SLC30A6: variants seen among roughly 807,000 people sequenced by gnomAD.
The protein encoded by SLC30A6 is solute carrier family 30 member 6.
In SLC30A6, 55 loss-of-function variants were observed where a neutral mutation model predicts 63.0. That is an observed-to-expected ratio of 0.87 (90% CI 0.70 to 1.09). The LOEUF is 1.09. Among genes scored for constraint, SLC30A6 ranks in the 50% least tolerant of loss-of-function variants. The pLI is 0.00. For missense variants in SLC30A6, 587 were observed against 549.2 expected (o/e 1.07, Z -0.69); for synonymous variants, 224 against 186.1 (o/e 1.20, Z -1.66).
intron 11 of SLC30A6, 134 bp from the exon 12 acceptor site, chr2:32,206,747 CTCTCT>C: frequency 1.7e-6 from 1 of 601,524 alleles, no homozygotes; most frequent in South Asian, 2.3e-5. Context: ...CAGTTGAAAC[CTCTCT>C]TCTCTAAATC....
Position 32,224,348 on chromosome 2 carries a change from A to G in SLC30A6, c.*3635A>G, listed in dbSNP as rs1686304865. 1 of 657,882 alleles carries G rather than the reference A, an allele frequency of 1.5e-6. No individual in the cohort carries two copies. Among genetic ancestry groups the G allele is most frequent in the Admixed American group, 3.1e-5 (1 of 32,016 alleles). The allele number at this position is 657,882 out of a possible 1,614,324, so 40.8% of individuals were successfully genotyped here. A position where few individuals can be genotyped will look rare whatever the true frequency, so the allele number is the denominator to read the frequency against. On this transcript the variant is annotated 3_prime_UTR_variant, in exon 14 of 14. Transcript: ENST00000282587. Reference sequence around the variant, plus strand: ...GACACAAAACTGTTGCATGTTTTTAATCATCAAATTAAACTTCTTTCCACG... The same window carrying G: ...GACACAAAACTGTTGCATGTTTTTAGTCATCAAATTAAACTTCTTTCCACG...
At chr2:32,201,159 G>A (rs1319764835) in intron 10 of SLC30A6, among the ~76,000 whole-genome samples, 1 of 152,132 alleles carries the variant, frequency 6.6e-6, no homozygotes, top group Non-Finnish European at 1.5e-5. Flanking sequence ...GCTTCATTAT[G>A]TTTTTCACAT....
intron 12 of SLC30A6, among the ~76,000 whole-genome samples, chr2:32,207,958 A>G (rs1184954742): frequency 1.3e-5 from 2 of 151,472 alleles, no homozygotes; most frequent in African/African-American, 4.9e-5. Context: ...TCGACCTCCC[A>G]AAGTGCTGGG....
chr2:32,184,537 G>A (rs1184164658), intron 5 of SLC30A6, among the ~76,000 whole-genome samples, 199 bp downstream of exon 5: 2 of 152,212 alleles, frequency 1.3e-5, no homozygotes, highest in East Asian at 1.9e-4. Flanking sequence ...GGCTGAGGCA[G>A]GCAGAGCACC....
Position 32,174,153 on chromosome 2 carries a change from T to C in SLC30A6, c.175+6T>C, listed in dbSNP as rs1431219660. On this transcript the variant is annotated splice_donor_region_variant and intron_variant, in intron 3 of 13. Transcript: ENST00000282587. Reference sequence around the variant, plus strand: ...CAGTTCTACTAATAGTATAGGTATGTCACCTTTGTATTTTTATGGAGTTGT... The same window carrying C: ...CAGTTCTACTAATAGTATAGGTATGCCACCTTTGTATTTTTATGGAGTTGT... The C allele has an allele frequency of 6.2e-7, 1 of 1,602,166 alleles. No homozygotes were observed. The highest frequency in any genetic ancestry group is 2.2e-5 in the East Asian group (1 of 44,738).
Position 32,197,581 on chromosome 2 carries a change from A to G in SLC30A6, c.546-126A>G, listed in dbSNP as rs1330460246. ...TATAAATGAAAGGGCTTTGTTCACA[A>G]ATCCTCTTTGCTTTCTTTAAGAAGT... On this transcript the variant is annotated intron_variant, in intron 9 of 13. Coordinates refer to ENST00000282587, the MANE Select transcript of SLC30A6 (RefSeq NM_017964.5). 3.5e-6 allele frequency: 5 copies of G among 1,422,516 alleles called. No individual in the cohort carries two copies. The East Asian group carries it at 1.1e-4, about 32-fold the overall frequency. 88.1% of individuals were successfully genotyped at this position (1,422,516 alleles called of 1,614,324 possible).
chr2:32,191,925 G>A (rs1040473179), intron 5 of SLC30A6, among the ~76,000 whole-genome samples: 1 of 152,038 alleles, frequency 6.6e-6, no homozygotes, highest in Admixed American at 6.6e-5. Context: ...TTTAGATGAG[G>A]TAATATGTTA....
chr2:32,220,085 A>T, intron 13 of SLC30A6, 128 bp from the exon 14 acceptor site: 5 of 1,024,728 alleles, frequency 4.9e-6, no homozygotes, highest in African/African-American at 1.6e-5. Context: ...AGAAATATTA[A>T]CATTAAGCTT....
At chr2:32,174,261 T>C (rs1417375853) in intron 3 of SLC30A6, 114 bp downstream of exon 3, 1 of 652,848 alleles carries the variant, frequency 1.5e-6, no homozygotes, top group South Asian at 3.2e-5. Flanking sequence ...ATAACTCAAA[T>C]GATTTAAATA....
intron 5 of SLC30A6, among the ~76,000 whole-genome samples, chr2:32,190,728 A>C (rs1372237769): frequency 6.6e-6 from 1 of 152,096 alleles, no homozygotes; most frequent in Non-Finnish European, 1.5e-5. Flanking sequence ...AGGTTCAAGC[A>C]ATTCTCGTGC....
chr2:32,190,547 G>A (rs866698759), intron 5 of SLC30A6, among the ~76,000 whole-genome samples: 1 of 152,174 alleles, frequency 6.6e-6, no homozygotes, highest in African/African-American at 2.4e-5. Context: ...ATACCCCCAG[G>A]TCAGAAAGAC....
intron 12 of SLC30A6, among the ~76,000 whole-genome samples, chr2:32,207,416 GC>G (rs1335837106): frequency 6.6e-6 from 1 of 150,866 alleles, no homozygotes; most frequent in Non-Finnish European, 1.5e-5. Flanking sequence ...TTGCTCTGTC[GC>G]CCAGGCTGGA....
At chr2:32,186,772 C>G (rs1469297370) in intron 5 of SLC30A6, among the ~76,000 whole-genome samples, 4 of 151,120 alleles carry the variant, frequency 2.6e-5, no homozygotes, top group Non-Finnish European at 4.4e-5. Context: ...CCCAGGTGGT[C>G]GATCACTTGA....
chr2:32,210,958 G>A (rs1685207810), intron 13 of SLC30A6, among the ~76,000 whole-genome samples: 1 of 152,218 alleles, frequency 6.6e-6, no homozygotes, highest in Non-Finnish European at 1.5e-5. Flanking sequence ...AGCATGGCCA[G>A]TAGGTGAGTT....
rs772887658 is a variant in SLC30A6 at position 32,204,620 on chromosome 2, T to C, written c.696T>C (p.Ala232=). 9.3e-6 allele frequency: 15 copies of C among 1,612,284 alleles called. No homozygotes were observed. Among genetic ancestry groups the C allele is most frequent in the Non-Finnish European group, 1.2e-5 (14 of 1,178,942 alleles). The change falls in exon 11 of 14, where the codon GCT becomes GCC. Residue 232 remains alanine, a synonymous_variant. Transcript: ENST00000282587. ...ATTTTGCCGTAGACACTGCCTCTGC[T>C]ATAGCTATTGCCTTGATGACATTTG... is the stretch of plus-strand genomic sequence containing the variant. The part of the protein sequence containing the change: ...NNYFAVDTAS[A]IAIALMTFGT...
chr2:32,179,235 A>G (rs114860801), intron 4 of SLC30A6, among the ~76,000 whole-genome samples: 93 of 152,302 alleles, frequency 6.1e-4, no homozygotes, highest in Non-Finnish European at 1.3e-3. Context: ...TGGCAATATC[A>G]ATTAAATTTA....
Position 32,166,003 on chromosome 2 carries a change from G to A in SLC30A6, c.3+100G>A, listed in dbSNP as rs967864791. The stretch of plus-strand genomic sequence containing the variant: ...GAAATCCCTCAGCCACCCAGAGGAG[G>A]GGTCATTGGAGTTGAAGTCGGGCCC... On this transcript the variant is annotated intron_variant, in intron 1 of 13. Transcript: ENST00000282587. 8 of 1,553,916 alleles carry A rather than the reference G, an allele frequency of 5.1e-6. No homozygotes were observed. The African/African-American group carries it at 9.5e-5, about 18-fold the overall frequency.
chr2:32,192,037 CT>C (rs34973387), intron 5 of SLC30A6, among the ~76,000 whole-genome samples: 3,400 of 134,900 alleles, frequency 0.025, 50 homozygotes, highest in African/African-American at 0.049. Context: ...TGGTAATTGT[CT>C]TTTTTTTTTT....
intron 5 of SLC30A6, among the ~76,000 whole-genome samples, 183 bp from the exon 6 acceptor site, chr2:32,192,153 A>T (rs1484686292): frequency 6.6e-6 from 1 of 151,984 alleles, no homozygotes. Context: ...ACTCCTTGGA[A>T]TCTGTGATTT....
Sources: allele counts gnomAD v4.1 joint callset (sites outside exome capture counted in the v4.1 genomes callset), GRCh38; gene constraint gnomAD v4.1.1; transcripts MANE v1.5; gene names NCBI Gene and HGNC (gene_info 2026-07-23, HGNC 2026-07-21).